PIBF1: variants seen among roughly 807,000 people sequenced by gnomAD.
PIBF1 encodes progesterone immunomodulatory binding factor 1.
A neutral mutation model predicts 112.5 loss-of-function variants in PIBF1; 90 were observed. That is an observed-to-expected ratio of 0.80 (90% CI 0.67 to 0.95). PIBF1 has a LOEUF of 0.95. PIBF1 is among the 40% of genes least tolerant of loss of function. The pLI, the probability that PIBF1 is intolerant of heterozygous loss-of-function variation, is 0.00. For missense variants in PIBF1, 915 were observed against 852.3 expected (o/e 1.07, Z -0.92); for synonymous variants, 301 against 288.6 (o/e 1.04, Z -0.44).
chr13:72,810,618 T>A (rs1368679282), intron 5 of PIBF1, among the ~76,000 whole-genome samples: 1 of 152,214 alleles, frequency 6.6e-6, no homozygotes, highest in Admixed American at 6.5e-5. Context: ...GAGTGTTAAC[T>A]GTTTTCTGAG....
intron 9 of PIBF1, among the ~76,000 whole-genome samples, chr13:72,842,815 G>T (rs953192866): frequency 6.6e-6 from 1 of 151,978 alleles, no homozygotes; most frequent in Admixed American, 6.6e-5. Context: ...GAAGTATATG[G>T]CTCTGCAGAT....
intron 14 of PIBF1, among the ~76,000 whole-genome samples, chr13:72,950,984 A>T (rs1036757449): frequency 6.6e-6 from 1 of 152,234 alleles, no homozygotes; most frequent in African/African-American, 2.4e-5. Context: ...AAAGTGGCCA[A>T]TCAGCAAGGA....
At chr13:72,790,903 A>G (rs995200672) in intron 2 of PIBF1, among the ~76,000 whole-genome samples, 5 of 152,236 alleles carry the variant, frequency 3.3e-5, no homozygotes, top group Non-Finnish European at 7.4e-5. Flanking sequence ...AAATGGTGCT[A>G]TAGCAAAGAG....
rs117097138 is a variant in PIBF1, at chr13:72,794,139, A to G, written c.354-1220A>G. On this transcript the variant is annotated intron_variant, in intron 3 of 17. Coordinates refer to ENST00000326291, the MANE Select transcript of PIBF1 (RefSeq NM_006346.4). ...CTTGGAAGCCAGGTGATGAAAATGT[A>G]TCAAGGAAAGAAAGTGACTTGTGTC... Among the ~76,000 whole-genome samples, 1,298 of 152,308 alleles carry G rather than the reference A, an allele frequency of 8.5e-3. 66 individuals are homozygous for G. Among genetic ancestry groups the G allele is most frequent in the East Asian group, 9.1e-3 (47 of 5,174 alleles).
intron 13 of PIBF1, among the ~76,000 whole-genome samples, chr13:72,920,456 C>A (rs2041249135): frequency 2.0e-5 from 3 of 152,208 alleles, no homozygotes; most frequent in Admixed American, 2.0e-4. Context: ...ATCAATGGCA[C>A]TAAAGATCCC....
intron 9 of PIBF1, among the ~76,000 whole-genome samples, chr13:72,835,700 C>T (rs993335936): frequency 2.6e-5 from 4 of 152,036 alleles, no homozygotes; most frequent in African/African-American, 4.8e-5. Context: ...ATTATAGCAA[C>T]GATTTCTCCT....
At chr13:72,984,427 G>C (rs2043226016) in intron 16 of PIBF1, among the ~76,000 whole-genome samples, 1 of 152,154 alleles carries the variant, frequency 6.6e-6, no homozygotes, top group Non-Finnish European at 1.5e-5. Flanking sequence ...TAGGATTCAA[G>C]AGGGAATTAG....
At chr13:72,931,054 A>G (rs1594219059) in intron 13 of PIBF1, 111 bp from the exon 14 acceptor site, 1 of 656,920 alleles carries the variant, frequency 1.5e-6, no homozygotes, top group East Asian at 2.8e-5. Context: ...TTCTGTTAAT[A>G]TTTAAGTATA....
At chr13:72,982,619 G>A (rs2043182742) in intron 16 of PIBF1, among the ~76,000 whole-genome samples, 1 of 151,758 alleles carries the variant, frequency 6.6e-6, no homozygotes, top group Non-Finnish European at 1.5e-5. Context: ...ATTCCTTTTT[G>A]TACTTTAGCC....
chr13:72,987,858 A>ATTTTTTTTTTTTTTTT (rs55999445), intron 16 of PIBF1, among the ~76,000 whole-genome samples: 24 of 58,134 alleles, frequency 4.1e-4, no homozygotes, highest in African/African-American at 1.6e-3. Flanking sequence ...TTATTTATTT[A>ATTTTTTTTTTTTTTTT]TTTTTTTTTT....
At chr13:72,850,688 A>G (rs923243094) in intron 9 of PIBF1, among the ~76,000 whole-genome samples, 9 of 152,206 alleles carry the variant, frequency 5.9e-5, no homozygotes, top group Non-Finnish European at 1.2e-4. Context: ...ATTGAAACCA[A>G]TTTGTGGTGA....
chr13:72,969,704 G>A (rs974086441), intron 15 of PIBF1: 11 of 152,144 alleles, frequency 7.2e-5, no homozygotes, highest in Admixed American at 2.0e-4. Flanking sequence ...ATCCTAGAGT[G>A]GAATTATCCT....
intron 17 of PIBF1, among the ~76,000 whole-genome samples, chr13:73,011,398 G>A (rs2044198097): frequency 6.6e-6 from 1 of 151,974 alleles, no homozygotes; most frequent in Non-Finnish European, 1.5e-5. Flanking sequence ...AGTAAATATT[G>A]GGAGAAAAAT....
chr13:72,786,399 GT>G (rs1163116263), intron 2 of PIBF1, among the ~76,000 whole-genome samples: 1 of 152,100 alleles, frequency 6.6e-6, no homozygotes, highest in Non-Finnish European at 1.5e-5. Flanking sequence ...ACATTTTAAT[GT>G]TTTGTTTACA....
At chr13:72,793,474 G>T (rs1211517118) in intron 3 of PIBF1, among the ~76,000 whole-genome samples, 1 of 152,152 alleles carries the variant, frequency 6.6e-6, no homozygotes, top group Non-Finnish European at 1.5e-5. Flanking sequence ...GACTTGTGGG[G>T]GTGGGGTCCT....
intron 17 of PIBF1, among the ~76,000 whole-genome samples, chr13:73,003,536 G>C (rs2043940598): frequency 6.6e-6 from 1 of 152,006 alleles, no homozygotes; most frequent in African/African-American, 2.4e-5. Flanking sequence ...GATTACAGGT[G>C]TGAGCCACCG....
Position 72,783,738 on chromosome 13 carries a change from A to T in PIBF1, c.252+17A>T, listed in dbSNP as rs761156724. ...CTTACAAAGGTAAGATCAGGTTTAA[A>T]TTTTGTGTTCTATATGCTTTATTGT... On this transcript the variant is annotated intron_variant, in intron 2 of 17. Transcript: ENST00000326291. The T allele has an allele frequency of 6.2e-7, 1 of 1,609,728 alleles. No individual in the cohort carries two copies. The highest frequency in any genetic ancestry group is 1.3e-5 in the African/African-American group (1 of 74,768).
chr13:72,829,094 C>G (rs1023508597), intron 8 of PIBF1, among the ~76,000 whole-genome samples: 1 of 151,874 alleles, frequency 6.6e-6, no homozygotes, highest in Admixed American at 6.6e-5. Flanking sequence ...TGAGAAGTGT[C>G]TATATCCTTT....
chr13:72,927,445 A>T (rs999643337), intron 13 of PIBF1, among the ~76,000 whole-genome samples: 9 of 151,992 alleles, frequency 5.9e-5, no homozygotes, highest in Admixed American at 3.9e-4. Context: ...CGGAACTTGC[A>T]GTGAGCCGAG....
Sources: gnomAD v4.1 joint callset for allele counts (sites outside exome capture counted in the v4.1 genomes callset) on GRCh38, gnomAD v4.1.1 for gene constraint, MANE v1.5 for transcripts, NCBI Gene and HGNC (gene_info 2026-07-23, HGNC 2026-07-21) for gene names.